The following FAM135B variants were observed in gnomAD, a reference collection of about 807,000 sequenced individuals.
The protein encoded by FAM135B is family with sequence similarity 135 member B, also known as protein FAM135B.
A neutral mutation model predicts 127.7 loss-of-function variants in FAM135B; 43 were observed. The observed-to-expected ratio is 0.34, with a 90% CI of 0.26 to 0.43. The LOEUF is 0.43. FAM135B is among the 20% of genes least tolerant of loss of function. FAM135B has a pLI of 1.00. For synonymous variants in FAM135B, 670 were observed against 665.1 expected (o/e 1.01, Z -0.11); for missense variants, 1,558 against 1,725.6 (o/e 0.90, Z 1.72).
chr8:138,259,690 C>T (rs77786984), intron 4 of FAM135B, among the ~76,000 whole-genome samples: 4,053 of 152,190 alleles, frequency 0.027, 77 homozygotes, highest in Middle Eastern at 0.048. Context: ...CTACGACTTC[C>T]GGGTGGTATG....
At chr8:138,191,306 T>G (rs2131080274) in intron 9 of FAM135B, among the ~76,000 whole-genome samples, 1 of 152,270 alleles carries the variant, frequency 6.6e-6, no homozygotes, top group East Asian at 1.9e-4. Flanking sequence ...ACCCACTACT[T>G]TTGAGGTGAC....
chr8:138,392,024 G>A (rs1322495270), intron 1 of FAM135B, among the ~76,000 whole-genome samples: 2 of 152,328 alleles, frequency 1.3e-5, no homozygotes, highest in Middle Eastern at 3.4e-3. Flanking sequence ...TCATGAGGTA[G>A]GGCAGGGTAA....
intron 6 of FAM135B, among the ~76,000 whole-genome samples, chr8:138,244,965 T>C (rs1170300272): frequency 6.6e-6 from 1 of 152,214 alleles, no homozygotes; most frequent in African/African-American, 2.4e-5. Context: ...TGTGAAAAAC[T>C]GCTTTTCTGG....
chr8:138,274,543 G>A, intron 3 of FAM135B, among the ~76,000 whole-genome samples: 1 of 152,148 alleles, frequency 6.6e-6, no homozygotes, highest in East Asian at 1.9e-4. Context: ...ATCTTATCAG[G>A]AGACAGGGTT....
At chr8:138,280,817 A>G (rs1357636347) in intron 3 of FAM135B, among the ~76,000 whole-genome samples, 1 of 152,150 alleles carries the variant, frequency 6.6e-6, no homozygotes, top group South Asian at 2.1e-4. Context: ...TGTCTCCCCA[A>G]GGGAAAGTGA....
chr8:138,269,685 C>T (rs536943827), intron 3 of FAM135B, among the ~76,000 whole-genome samples: 3 of 152,260 alleles, frequency 2.0e-5, no homozygotes, highest in South Asian at 4.1e-4. Flanking sequence ...TAGACTTGTC[C>T]CCACTTTCCA....
chr8:138,271,346 G>T (rs180919744), intron 3 of FAM135B, among the ~76,000 whole-genome samples: 309 of 152,228 alleles, frequency 2.0e-3, no homozygotes, highest in African/African-American at 7.1e-3. Context: ...TGGAGTATTG[G>T]ATATTTTGTT....
Position 138,132,553 on chromosome 8 carries a change from C to G in FAM135B, c.*40G>C, listed in dbSNP as rs376645967. On this transcript the variant is annotated 3_prime_UTR_variant, in exon 20 of 20. Coordinates refer to ENST00000395297, the MANE Select transcript of FAM135B (RefSeq NM_015912.4). The surrounding 1 kb of genome is among the most constrained non-coding windows in gnomAD (Gnocchi z 4.5). ...GCAGGTCTCAGCTAAAGCTCTCCAC[C>G]GATCGTAAGCATTACCAAAGACCTG... 1 of 1,539,110 alleles carries G rather than the reference C, an allele frequency of 6.5e-7. No individual in the cohort carries two copies.
At position 138,242,928 on chromosome 8, in the gene FAM135B, C is replaced by T. The variant is rs374751454; in HGVS notation, c.669+14G>A. 3.7e-6 allele frequency: 6 copies of T among 1,605,648 alleles called. No individual in the cohort carries two copies. Among genetic ancestry groups the T allele is most frequent in the Non-Finnish European group, 5.1e-6 (6 of 1,177,162 alleles). On this transcript the variant is annotated intron_variant, in intron 7 of 19. Transcript: ENST00000395297. This position sits in a 1 kb window ranked among gnomAD's most constrained non-coding sequence, Gnocchi z 9.6. ...TTTGAAAGTTTTGAAGCAACTGCCC[C>T]ACACAGGCCTTACCTCTGAGGAAGT... is the stretch of plus-strand genomic sequence containing the variant.
intron 11 of FAM135B, 95 bp downstream of exon 11, chr8:138,177,252 C>T (rs1319281680): frequency 1.5e-4 from 171 of 1,172,922 alleles, no homozygotes; most frequent in Non-Finnish European, 2.1e-4. Context: ...AGACTTCTCT[C>T]CTTCACTTCC....
At chr8:138,151,105 A>C (rs1818100756) in intron 13 of FAM135B, 89 bp downstream of exon 13, 1 of 913,478 alleles carries the variant, frequency 1.1e-6, no homozygotes, top group East Asian at 2.8e-5. Flanking sequence ...CAGATATCTA[A>C]ATTTTGAAAC....
intron 12 of FAM135B, among the ~76,000 whole-genome samples, chr8:138,159,080 G>A (rs1305192729): frequency 6.7e-6 from 1 of 149,734 alleles, no homozygotes; most frequent in Non-Finnish European, 1.5e-5. Context: ...AGACCATCCT[G>A]GCTAACAAGG....
intron 9 of FAM135B, among the ~76,000 whole-genome samples, chr8:138,179,458 G>C (rs1343175106): frequency 3.9e-5 from 6 of 152,184 alleles, no homozygotes; most frequent in African/African-American, 1.4e-4. Flanking sequence ...TACAGAAAGT[G>C]AAATGAAAGT....
At chr8:138,329,389 T>C (rs973921697) in intron 2 of FAM135B, among the ~76,000 whole-genome samples, 3 of 152,212 alleles carry the variant, frequency 2.0e-5, no homozygotes, top group Non-Finnish European at 2.9e-5. Context: ...TGCTTTTTGA[T>C]ATGAAAACTC....
Position 138,330,967 on chromosome 8 carries a change from C to T in FAM135B, c.78-20047G>A, listed in dbSNP as rs1397672927. Among the ~76,000 whole-genome samples, 4 of 151,962 alleles carry T rather than the reference C, an allele frequency of 2.6e-5. No individual in the cohort carries two copies. In the South Asian group the frequency reaches 6.2e-4, roughly 24 times the overall value. On this transcript the variant is annotated intron_variant, in intron 2 of 19. Transcript: ENST00000395297. ...AAGCGATTCTCCTGCCTCAGCCTCC[C>T]GAGTAGCTGGGATTACAGGCATGCA...
intron 3 of FAM135B, among the ~76,000 whole-genome samples, chr8:138,289,475 G>C (rs180876224): frequency 6.6e-6 from 1 of 152,320 alleles, no homozygotes; most frequent in Non-Finnish European, 1.5e-5. Flanking sequence ...TAGCCCCAAA[G>C]CTGTGGCCCT....
At chr8:138,179,183 A>C (rs1814769036) in intron 9 of FAM135B, among the ~76,000 whole-genome samples, 1 of 152,158 alleles carries the variant, frequency 6.6e-6, no homozygotes, top group South Asian at 2.1e-4. Context: ...CCCAGAGCCA[A>C]CAACACTTGC....
rs991806681 is a variant in FAM135B at position 138,443,195 on chromosome 8, C to A, written c.-20+53476G>T. ...CGTTGCTCATCACATCTGGGTAAAG[C>A]AGATTTTATCAATCCCCCCAAATAA... On this transcript the variant is annotated intron_variant, in intron 1 of 19. Transcript: ENST00000395297. Among the ~76,000 whole-genome samples, 22 of 152,264 alleles carry A rather than the reference C, an allele frequency of 1.4e-4. No homozygotes were observed. The Middle Eastern group carries it at 0.01, about 71-fold the overall frequency.
At position 138,152,781 on chromosome 8, in the gene FAM135B, C is replaced by G. The variant is rs777160080; in HGVS notation, c.1694G>C (p.Arg565Thr). The change falls in exon 13 of 20, where the codon AGA becomes ACA. Residue 565 changes from arginine to threonine, a missense_variant. This residue lies in a region of FAM135B where 923 missense variants were observed against 865.3 expected (regional missense o/e 1.07). Coordinates refer to ENST00000395297, the MANE Select transcript of FAM135B (RefSeq NM_015912.4). ...DVKSSNKNPS[R>T]AEPLVAFNAQ... ...ATTGAAGGCCACCAGGGGTTCAGCTCTGGAGGGGTTCTTATTGCTAGATTT... is the reference window on the plus strand; with the variant it reads ...ATTGAAGGCCACCAGGGGTTCAGCTGTGGAGGGGTTCTTATTGCTAGATTT... 3 of 1,614,072 alleles carry G rather than the reference C, an allele frequency of 1.9e-6. No homozygotes were observed. The highest frequency in any genetic ancestry group is 2.5e-6 in the Non-Finnish European group (3 of 1,180,038).
Sources: gnomAD v4.1 joint callset for allele counts (sites outside exome capture counted in the v4.1 genomes callset) on GRCh38, gnomAD v4.1.1 for gene constraint, gnomAD v4.1.1 regional missense constraint, Gnocchi (gnomAD v3.1) non-coding constraint, MANE v1.5 for transcripts, NCBI Gene and HGNC (gene_info 2026-07-23, HGNC 2026-07-21) for gene names.